Variants in CTNNA3 observed in about 807,000 individuals in gnomAD.
The protein encoded by CTNNA3 is catenin alpha-3.
A neutral mutation model predicts 95.7 loss-of-function variants in CTNNA3; 76 were observed. The observed-to-expected ratio is 0.79, with a 90% confidence interval of 0.66 to 0.96. CTNNA3 has a LOEUF of 0.96. Ranked by LOEUF, CTNNA3 falls within the 40% of genes least tolerant of loss-of-function variation. The pLI, the probability that CTNNA3 is intolerant of heterozygous loss-of-function variation, is 0.00. For synonymous variants in CTNNA3, 431 were observed against 374.4 expected (o/e 1.15, Z -1.74); for missense variants, 1,191 against 1,089.8 (o/e 1.09, Z -1.31).
intron 11 of CTNNA3, among the ~76,000 whole-genome samples, chr10:66,392,585 C>G (rs148431810): frequency 6.6e-6 from 1 of 152,026 alleles, no homozygotes; most frequent in Non-Finnish European, 1.5e-5. Context: ...GCAAAAGATG[C>G]GAGCAGACAC....
intron 15 of CTNNA3, among the ~76,000 whole-genome samples, chr10:66,008,603 C>T (rs567436477): frequency 3.9e-5 from 6 of 152,216 alleles, no homozygotes; most frequent in South Asian, 2.1e-4. Context: ...ATTCTCTATA[C>T]GTCTATGTTT....
At chr10:67,240,923 C>T (rs892262883) in intron 5 of CTNNA3, among the ~76,000 whole-genome samples, 1 of 152,112 alleles carries the variant, frequency 6.6e-6, no homozygotes, top group African/African-American at 2.4e-5. Flanking sequence ...ATATGTATTA[C>T]ATTTGTCTAT....
At chr10:67,118,908 C>T (rs780020583) in intron 7 of CTNNA3, among the ~76,000 whole-genome samples, 9 of 151,816 alleles carry the variant, frequency 5.9e-5, no homozygotes, top group Non-Finnish European at 1.3e-4. Context: ...ACCAAAGCAT[C>T]ATTTTCCGCT....
chr10:66,161,712 T>C (rs966133017), intron 13 of CTNNA3, among the ~76,000 whole-genome samples: 31 of 152,214 alleles, frequency 2.0e-4, no homozygotes, highest in African/African-American at 7.2e-4. Flanking sequence ...TTCTCAGGTG[T>C]TCTTTGTGCT....
At chr10:66,126,987 G>A (rs1302054450) in intron 13 of CTNNA3, among the ~76,000 whole-genome samples, 1 of 151,950 alleles carries the variant, frequency 6.6e-6, no homozygotes, top group African/African-American at 2.4e-5. Context: ...GGGGGAAAAT[G>A]GCCGGGCGCG....
chr10:67,114,980 T>G (rs1859098656), intron 7 of CTNNA3, among the ~76,000 whole-genome samples: 3 of 152,108 alleles, frequency 2.0e-5, no homozygotes, highest in African/African-American at 7.2e-5. Context: ...AGAAATGGGA[T>G]TATGTATCTA....
chr10:67,591,039 A>G (rs1027790817), intron 3 of CTNNA3, among the ~76,000 whole-genome samples: 1 of 152,096 alleles, frequency 6.6e-6, no homozygotes, highest in African/African-American at 2.4e-5. Flanking sequence ...TGACATTTAG[A>G]TCCTAAGTCT....
At chr10:66,340,556 T>C (rs2092443177) in intron 12 of CTNNA3, among the ~76,000 whole-genome samples, 1 of 151,886 alleles carries the variant, frequency 6.6e-6, no homozygotes, top group Non-Finnish European at 1.5e-5. Flanking sequence ...CTATACTATT[T>C]ACATGATTCT....
At chr10:66,037,967 G>A (rs1589278018) in intron 15 of CTNNA3, among the ~76,000 whole-genome samples, 1 of 152,292 alleles carries the variant, frequency 6.6e-6, no homozygotes, top group Non-Finnish European at 1.5e-5. Context: ...AAAGCGAAGG[G>A]GAGGGACAGA....
At chr10:66,194,308 G>A (rs576358806) in intron 13 of CTNNA3, among the ~76,000 whole-genome samples, 7 of 152,284 alleles carry the variant, frequency 4.6e-5, no homozygotes, top group Non-Finnish European at 7.3e-5. Flanking sequence ...GGCTGGGTGT[G>A]GTGGCTTACA....
intron 10 of CTNNA3, among the ~76,000 whole-genome samples, chr10:66,607,095 G>T (rs1419417380): frequency 6.6e-6 from 1 of 151,886 alleles, no homozygotes; most frequent in East Asian, 1.9e-4. Flanking sequence ...TGACAAAGGG[G>T]ATATTACTGC....
chr10:67,057,330 G>A (rs1855498921), intron 7 of CTNNA3, among the ~76,000 whole-genome samples: 1 of 152,034 alleles, frequency 6.6e-6, no homozygotes, highest in Non-Finnish European at 1.5e-5. Flanking sequence ...TATACTCTAA[G>A]TTATTATTAA....
intron 1 of CTNNA3, among the ~76,000 whole-genome samples, chr10:67,739,107 C>G (rs189268296): frequency 9.3e-4 from 141 of 152,210 alleles, no homozygotes; most frequent in Non-Finnish European, 1.7e-3. Context: ...CAAAGATACT[C>G]CTGGAGAAGA....
intron 9 of CTNNA3, among the ~76,000 whole-genome samples, chr10:66,699,720 G>C (rs938316914): frequency 6.6e-6 from 1 of 150,884 alleles, no homozygotes. Flanking sequence ...GGAGTGCAAA[G>C]TCATGATCTC....
In CTNNA3 at chr10:65,970,620, G is replaced by A. The variant is rs553532846; in HGVS notation, c.2266-3874C>T. ...TTAAACTACAACAAAAAAGAGGAGC[G>A]GCTATTATATTAGATAAAATATATG... On this transcript the variant is annotated intron_variant, in intron 16 of 17. Coordinates refer to ENST00000433211, the MANE Select transcript of CTNNA3 (RefSeq NM_013266.4). Among the ~76,000 whole-genome samples, 29 of 149,382 alleles carry A rather than the reference G, an allele frequency of 1.9e-4. No individual in the cohort carries two copies. The South Asian group carries it at 2.3e-3, about 12-fold the overall frequency.
intron 3 of CTNNA3, among the ~76,000 whole-genome samples, chr10:67,543,407 T>C (rs1840743078): frequency 6.6e-6 from 1 of 152,120 alleles, no homozygotes; most frequent in South Asian, 2.1e-4. Flanking sequence ...CCAAATATTC[T>C]TTATTTTATA....
intron 7 of CTNNA3, among the ~76,000 whole-genome samples, chr10:66,931,811 G>A (rs1417966276): frequency 3.9e-5 from 6 of 152,132 alleles, no homozygotes; most frequent in Non-Finnish European, 7.4e-5. Flanking sequence ...GATGAAAAGC[G>A]AGTAATAACG....
chr10:66,210,091 G>A (rs1047344095), intron 13 of CTNNA3, among the ~76,000 whole-genome samples: 5 of 152,044 alleles, frequency 3.3e-5, no homozygotes, highest in Middle Eastern at 3.4e-3. Flanking sequence ...ATAATACCCA[G>A]GGTGGGTTAA....
chr10:66,416,609 G>C (rs898654750), intron 11 of CTNNA3, among the ~76,000 whole-genome samples: 1 of 151,578 alleles, frequency 6.6e-6, no homozygotes, highest in Non-Finnish European at 1.5e-5. Flanking sequence ...CAGAACAAGA[G>C]AAAATTTATC....
Sources: gnomAD v4.1 joint callset for allele counts (sites outside exome capture counted in the v4.1 genomes callset) on GRCh38, gnomAD v4.1.1 for gene constraint, MANE v1.5 for transcripts, NCBI Gene and HGNC (gene_info 2026-07-23, HGNC 2026-07-21) for gene names.